ABTB3: variants seen among roughly 807,000 people sequenced by gnomAD.
ABTB3 encodes the protein ankyrin repeat and BTB domain containing 3.
At chr12:107,318,841 C>T in the ABTB3 span, 1 of 1,356,776 alleles carries the variant, frequency 7.4e-7, no homozygotes, top group Admixed American at 2.6e-5. Flanking sequence ...TGAGCCAAGG[C>T]GGCGCGGACT....
At chr12:107,530,150 G>A in the ABTB3 span, among the ~76,000 whole-genome samples, 1 of 152,288 alleles carries the variant, frequency 6.6e-6, no homozygotes, top group East Asian at 1.9e-4. Context: ...AAGCTGAAAG[G>A]TGCTCTGAGG....
chr12:107,579,147 T>C, the ABTB3 span, among the ~76,000 whole-genome samples: 1 of 152,006 alleles, frequency 6.6e-6, no homozygotes, highest in South Asian at 2.1e-4. Context: ...TAGCCTGTGG[T>C]TTGAAGGTTA....
the ABTB3 span, among the ~76,000 whole-genome samples, chr12:107,498,475 T>G: frequency 6.6e-6 from 1 of 152,162 alleles, no homozygotes. Context: ...CAACAGAAAT[T>G]TATTCTCTTA....
the ABTB3 span, among the ~76,000 whole-genome samples, chr12:107,568,079 A>G: frequency 3.3e-5 from 5 of 152,184 alleles, no homozygotes; most frequent in South Asian, 6.2e-4. Flanking sequence ...CAGTGACTCA[A>G]TGTCACACTG....
chr12:107,411,686 T>A, the ABTB3 span, among the ~76,000 whole-genome samples: 2 of 152,218 alleles, frequency 1.3e-5, no homozygotes, highest in Non-Finnish European at 2.9e-5. Context: ...AAGGGCCTCA[T>A]GAGCTATACA....
At chr12:107,640,213 A>G in the ABTB3 span, 2 of 641,682 alleles carry the variant, frequency 3.1e-6, no homozygotes, top group Non-Finnish European at 5.2e-6. Flanking sequence ...TATCACCAAG[A>G]TTTCCTTGCT....
chr12:107,402,549 C>T, the ABTB3 span, among the ~76,000 whole-genome samples: 1 of 152,220 alleles, frequency 6.6e-6, no homozygotes, highest in African/African-American at 2.4e-5. Flanking sequence ...CCAGCCACGG[C>T]TACTGGCCTG....
the ABTB3 span, among the ~76,000 whole-genome samples, chr12:107,346,357 A>G: frequency 1.6e-3 from 238 of 152,348 alleles, 5 homozygotes; most frequent in East Asian, 0.031. Flanking sequence ...ATCCAGGGCC[A>G]GGAAATGGCC....
At chr12:107,651,013 A>G in the ABTB3 span, 1 of 139,312 alleles carries the variant, frequency 7.2e-6, no homozygotes, top group Non-Finnish European at 1.5e-5. Context: ...CCCTCCCTCC[A>G]GTCCCCGTTC....
the ABTB3 span, among the ~76,000 whole-genome samples, chr12:107,323,299 C>G: frequency 2.6e-5 from 4 of 152,148 alleles, no homozygotes; most frequent in African/African-American, 4.8e-5. Context: ...CCCCTTCTTA[C>G]TGCCATTTCT....
chr12:107,530,308 T>C, the ABTB3 span, among the ~76,000 whole-genome samples: 2 of 152,196 alleles, frequency 1.3e-5, no homozygotes, highest in Non-Finnish European at 2.9e-5. Context: ...GTTTTGAGCT[T>C]TTTAATGGAA....
At chr12:107,417,412 C>T in the ABTB3 span, among the ~76,000 whole-genome samples, 1 of 152,222 alleles carries the variant, frequency 6.6e-6, no homozygotes, top group Non-Finnish European at 1.5e-5. Flanking sequence ...GCCTTCTCCT[C>T]TTCTGTCTCT....
the ABTB3 span, among the ~76,000 whole-genome samples, chr12:107,337,727 G>A: frequency 2.6e-5 from 4 of 152,184 alleles, no homozygotes; most frequent in Admixed American, 2.0e-4. Flanking sequence ...AGTGTGACAC[G>A]TTGAAAGTTC....
chr12:107,648,424 G>C, the ABTB3 span, among the ~76,000 whole-genome samples: 2 of 104,554 alleles, frequency 1.9e-5, no homozygotes, highest in East Asian at 8.5e-4. Context: ...AAAGACAATA[G>C]GAAGTAGAGG....
At chr12:107,440,829 A>C in the ABTB3 span, among the ~76,000 whole-genome samples, 1 of 152,232 alleles carries the variant, frequency 6.6e-6, no homozygotes, top group African/African-American at 2.4e-5. Context: ...GACAATAAAG[A>C]TAACAGCTGC....
At chr12:107,605,575 A>T in the ABTB3 span, among the ~76,000 whole-genome samples, 2 of 152,108 alleles carry the variant, frequency 1.3e-5, no homozygotes, top group Non-Finnish European at 2.9e-5. Context: ...GGGAAGGGGG[A>T]GCCTGTAGAG....
At chr12:107,620,086 C>G in the ABTB3 span, 1 of 1,614,208 alleles carries the variant, frequency 6.2e-7, no homozygotes, top group Non-Finnish European at 8.5e-7. Flanking sequence ...AGTTTAAGAC[C>G]ATTCAGGAGG....
chr12:107,578,218 T>A, the ABTB3 span, among the ~76,000 whole-genome samples: 1 of 151,860 alleles, frequency 6.6e-6, no homozygotes, highest in Non-Finnish European at 1.5e-5. Context: ...ACTATTAAGG[T>A]CAGAGTGACA....
the ABTB3 span, chr12:107,659,442 G>T: frequency 0.1 from 15,791 of 152,280 alleles, 993 homozygotes; most frequent in African/African-American, 0.16. Flanking sequence ...GTGCATTGCG[G>T]CTGTCACCTT....
Sources: gnomAD v4.1 joint callset for allele counts (sites outside exome capture counted in the v4.1 genomes callset) on GRCh38, gnomAD v4.1.1 for gene constraint, MANE v1.5 for transcripts, NCBI Gene and HGNC (gene_info 2026-07-23, HGNC 2026-07-21) for gene names.